Variants in LPA observed in about 807,000 individuals in gnomAD.
LPA encodes the protein apolipoprotein(a).
In LPA, 199 loss-of-function variants were observed where a neutral mutation model predicts 197.9. The ratio of observed to expected loss-of-function variants is 1.01; its 90% CI spans 0.90 to 1.13. The LOEUF (loss-of-function observed/expected upper bound fraction) is 1.13, where lower values mean the gene tolerates loss of function less well. Among genes scored for constraint, LPA ranks in the 50% most tolerant of loss-of-function variants. LPA has a pLI of 0.00. For synonymous variants in LPA, 715 were observed against 639.5 expected (o/e 1.12, Z -1.78); for missense variants, 1,853 against 1,785.8 (o/e 1.04, Z -0.68).
At chr6:160,582,731 A>AT (rs1438575862) in intron 26 of LPA, among the ~76,000 whole-genome samples, 1 of 151,952 alleles carries the variant, frequency 6.6e-6, no homozygotes, top group Non-Finnish European at 1.5e-5. Context: ...TGAGTTTATC[A>AT]TTTTTTCCAT....
chr6:160,597,957 A>T (rs1779164587), intron 20 of LPA, among the ~76,000 whole-genome samples: 1 of 152,186 alleles, frequency 6.6e-6, no homozygotes, highest in African/African-American at 2.4e-5. Context: ...TGACTAGGAC[A>T]CCATTTTAAT....
At chr6:160,560,021 T>C (rs970228428) in intron 28 of LPA, among the ~76,000 whole-genome samples, 3 of 152,208 alleles carry the variant, frequency 2.0e-5, no homozygotes, top group Admixed American at 6.5e-5. Context: ...CTCACACTTA[T>C]GAGTGAGAAC....
At chr6:160,547,684 T>A in intron 32 of LPA, 105 bp downstream of exon 32, 1 of 1,502,764 alleles carries the variant, frequency 6.7e-7, no homozygotes. Context: ...CTAAGGCTAA[T>A]TACGCTTAGC....
intron 27 of LPA, 122 bp downstream of exon 27, chr6:160,578,401 C>T: frequency 1.6e-6 from 2 of 1,256,348 alleles, no homozygotes; most frequent in South Asian, 1.2e-5. Context: ...GGCGCTGAGG[C>T]TTTCCTCCAC....
chr6:160,587,983 T>C (rs1337525007), intron 24 of LPA, among the ~76,000 whole-genome samples: 1 of 152,172 alleles, frequency 6.6e-6, no homozygotes, highest in Admixed American at 6.5e-5. Flanking sequence ...TCTTTTCTTT[T>C]CTCTTGCTAT....
rs914429818 is a variant in LPA, at chr6:160,555,988, G to T, written c.4973+37C>A. On this transcript the variant is annotated intron_variant, in intron 30 of 38. Transcript: ENST00000316300. ...GCTCTTCTAGGAGGAACTTAAGTTG[G>T]CTGTTGCTCCTCTTACAAGTAACAT... The T allele has an allele frequency of 4.7e-6, 7 of 1,474,934 alleles. No individual in the cohort carries two copies. In the Middle Eastern group the frequency reaches 6.5e-4, roughly 138 times the overall value. The allele number at this position is 1,474,934 out of a possible 1,614,324, so 91.4% of individuals were successfully genotyped here.
chr6:160,551,973 G>A (rs886257469), intron 30 of LPA, among the ~76,000 whole-genome samples: 1 of 150,564 alleles, frequency 6.6e-6, no homozygotes, highest in Admixed American at 6.6e-5. Flanking sequence ...GAATGCAGAG[G>A]CATGATCAAT....
At chr6:160,606,783 C>T in intron 16 of LPA, 125 bp from the exon 17 acceptor site, 2 of 1,425,680 alleles carry the variant, frequency 1.4e-6, no homozygotes, top group Non-Finnish European at 2.0e-6. Context: ...ATAAAAGTAC[C>T]ATATGATTGC....
In LPA at chr6:160,586,527, A is replaced by G. The variant is rs1464554257; in HGVS notation, c.4051T>C (p.Cys1351Arg). ...AGGAGAGTTGATTCCATCACTGGAC[A>G]TTGCGTCAGGTTGCAGTACTCCCAT... ...VRWEYCNLTQ[C>R]PVMESTLLTT... is the part of the protein sequence containing the mutation. Residue 1351 changes from cysteine to arginine, a missense_variant, in exon 25 of 39, where the codon TGT becomes CGT. Physicochemically the swap from Cys to Arg is radical, Grantham distance 180. Transcript: ENST00000316300. The G allele has an allele frequency of 3.7e-6, 6 of 1,613,688 alleles. No individual in the cohort carries two copies. Among genetic ancestry groups the G allele is most frequent in the Admixed American group, 3.3e-5 (2 of 59,986 alleles).
chr6:160,585,038 A>G lies in LPA; in HGVS notation c.4289+8T>C. ...TTGTTCCTTTTATGGCTAACATGAT[A>G]GACATACGCATTTGGATAGTATAAT... On this transcript the variant is annotated splice_region_variant and intron_variant, in intron 26 of 38. Coordinates refer to ENST00000316300, the MANE Select transcript of LPA (RefSeq NM_005577.4). 6.2e-7 allele frequency: 1 copy of G among 1,613,532 alleles called. No homozygotes were observed. Among genetic ancestry groups the G allele is most frequent in the Non-Finnish European group, 8.5e-7 (1 of 1,179,556 alleles).
chr6:160,659,546 T>G (rs922183125), intron 1 of LPA, among the ~76,000 whole-genome samples: 1 of 152,230 alleles, frequency 6.6e-6, no homozygotes, highest in East Asian at 1.9e-4. Flanking sequence ...TGGAATTCTT[T>G]CCCTGCTGTG....
At chr6:160,610,437 C>A (rs1313962990) in intron 16 of LPA, among the ~76,000 whole-genome samples, 1 of 152,148 alleles carries the variant, frequency 6.6e-6, no homozygotes, top group Admixed American at 6.5e-5. Flanking sequence ...GTTCCGTGAG[C>A]ACTCTCTCAT....
intron 29 of LPA, among the ~76,000 whole-genome samples, chr6:160,557,053 T>C (rs893847010): frequency 1.3e-5 from 2 of 152,160 alleles, no homozygotes; most frequent in African/African-American, 4.8e-5. Context: ...ACACTGTCCA[T>C]TTTAATAAAT....
At chr6:160,655,348 C>T (rs1780114463) in intron 1 of LPA, among the ~76,000 whole-genome samples, 1 of 152,232 alleles carries the variant, frequency 6.6e-6, no homozygotes, top group South Asian at 2.1e-4. Context: ...AACAGCATCC[C>T]TATCTGCCAC....
At chr6:160,540,515 T>C (rs1344074440) in intron 35 of LPA, among the ~76,000 whole-genome samples, 2 of 152,212 alleles carry the variant, frequency 1.3e-5, no homozygotes, top group Non-Finnish European at 2.9e-5. Flanking sequence ...CACATCTTCA[T>C]GGTGATCAGT....
At chr6:160,562,344 G>A (rs1778376691) in intron 28 of LPA, among the ~76,000 whole-genome samples, 1 of 152,186 alleles carries the variant, frequency 6.6e-6, no homozygotes, top group African/African-American at 2.4e-5. Context: ...TTTTGTCATT[G>A]GTTCTGTTTA....
intron 17 of LPA, 140 bp downstream of exon 17, chr6:160,606,337 G>A (rs1393442560): frequency 2.8e-5 from 36 of 1,291,396 alleles, no homozygotes; most frequent in Non-Finnish European, 3.6e-5. Context: ...GAGAGTGCAC[G>A]GAGGCTTCCT....
intron 28 of LPA, among the ~76,000 whole-genome samples, chr6:160,570,026 C>T (rs1161226850): frequency 6.6e-6 from 1 of 152,184 alleles, no homozygotes; most frequent in Non-Finnish European, 1.5e-5. Flanking sequence ...AACATTTTTA[C>T]ACTGGTGGTG....
At chr6:160,600,875 TC>T in intron 19 of LPA, 41 bp downstream of exon 19, 1 of 1,606,034 alleles carries the variant, frequency 6.2e-7, no homozygotes, top group Non-Finnish European at 8.5e-7. Context: ...TGGCTTTTCA[TC>T]CCAGCATCCA....
Sources: gnomAD v4.1 joint callset for allele counts (sites outside exome capture counted in the v4.1 genomes callset) on GRCh38, gnomAD v4.1.1 for gene constraint, MANE v1.5 for transcripts, NCBI Gene and HGNC (gene_info 2026-07-23, HGNC 2026-07-21) for gene names.